The following MARCO variants were observed in gnomAD, a reference collection of about 807,000 sequenced individuals.
MARCO encodes macrophage receptor with collagenous structure, also known as macrophage receptor MARCO.
In MARCO, 72 loss-of-function variants were observed where a neutral mutation model predicts 70.0. The observed-to-expected ratio is 1.03, with a 90% CI of 0.85 to 1.25. The LOEUF (loss-of-function observed/expected upper bound fraction) is 1.25. MARCO is among the 50% of genes most tolerant of loss of function. The probability of loss-of-function intolerance (pLI) is 0.00; values close to 1 mark genes in which losing one functional copy is unlikely to be tolerated. For synonymous variants in MARCO, 273 were observed against 243.1 expected (o/e 1.12, Z -1.14); for missense variants, 696 against 659.3 (o/e 1.06, Z -0.61).
At chr2:118,947,764 TAG>T (rs1679630944) in intron 1 of MARCO, among the ~76,000 whole-genome samples, 1 of 152,236 alleles carries the variant, frequency 6.6e-6, no homozygotes, top group African/African-American at 2.4e-5. Flanking sequence ...TATTATCAAA[TAG>T]AGTTATTCCT....
At position 118,992,495 on chromosome 2, in the gene MARCO, A is replaced by T. The variant is rs1558674866; in HGVS notation, c.1252+19A>T. 1.9e-6 allele frequency: 3 copies of T among 1,594,268 alleles called. No homozygotes were observed. Among genetic ancestry groups the T allele is most frequent in the Non-Finnish European group, 2.6e-6 (3 of 1,162,042 alleles). On this transcript the variant is annotated intron_variant, in intron 15 of 16. Coordinates refer to ENST00000327097, the MANE Select transcript of MARCO (RefSeq NM_006770.4). ...GAAAGAGGTAATCACTATTTATATT[A>T]TCTTTAATGTGTGCTTTAAAGTCAA... is the stretch of plus-strand genomic sequence containing the variant.
At chr2:118,993,073 A>C (rs1181915081) in intron 15 of MARCO, 51 bp from the exon 16 acceptor site, 1 of 1,555,660 alleles carries the variant, frequency 6.4e-7, no homozygotes, top group Non-Finnish European at 8.8e-7. Flanking sequence ...GCACTTACCC[A>C]AAGCCCCAAG....
At chr2:118,980,708 G>A (rs898762354) in intron 8 of MARCO, among the ~76,000 whole-genome samples, 3 of 152,088 alleles carry the variant, frequency 2.0e-5, no homozygotes, top group African/African-American at 7.2e-5. Context: ...CTGATGGTGG[G>A]ACCTTGGCAG....
rs1394987980 is a variant in MARCO, at chr2:118,974,432, G to A, written c.560G>A (p.Gly187Glu). The change falls in exon 5 of 17, where the codon GGA (glycine) becomes GAA (glutamate). Residue 187 changes from glycine (G) to glutamate (E), a missense_variant. Physicochemically the swap from Gly to Glu is moderately conservative, Grantham distance 98 (BLOSUM62 -2). Around this residue, in one of 3 missense-constraint regions of MARCO, gnomAD observed 605 missense variants for 537.6 expected, o/e 1.13. Coordinates refer to ENST00000327097, the MANE Select transcript of MARCO (RefSeq NM_006770.4). ...KGAKGAMGRD[G>E]ATGPSGPQGP... ...GCCAAGGGGGCTATGGGACGAGATG[G>A]AGCAACAGGTACGGGTCTTTTTCTT... The A allele has an allele frequency of 1.9e-6, 3 of 1,612,866 alleles. No individual in the cohort carries two copies. The highest frequency in any genetic ancestry group is 1.1e-5 in the South Asian group (1 of 90,696).
At chr2:118,947,248 G>A (rs984298716) in intron 1 of MARCO, among the ~76,000 whole-genome samples, 2 of 152,146 alleles carry the variant, frequency 1.3e-5, no homozygotes, top group Non-Finnish European at 2.9e-5. Flanking sequence ...CCTTGTTGGT[G>A]AAGATTTTCT....
chr2:118,983,238 A>T (rs916634887), intron 12 of MARCO, among the ~76,000 whole-genome samples: 2 of 152,216 alleles, frequency 1.3e-5, no homozygotes, highest in Non-Finnish European at 2.9e-5. Flanking sequence ...ATCTGTAGAC[A>T]GTCTGCCTCC....
chr2:118,964,095 G>A (rs1679998938), intron 1 of MARCO, among the ~76,000 whole-genome samples: 2 of 152,102 alleles, frequency 1.3e-5, no homozygotes, highest in African/African-American at 2.4e-5. Flanking sequence ...TATACATACA[G>A]AACATATCAA....
At chr2:118,985,968 A>AAAGCCAAAATCTTTTGG (rs1460034498) in intron 12 of MARCO, among the ~76,000 whole-genome samples, 1 of 152,210 alleles carries the variant, frequency 6.6e-6, no homozygotes, top group African/African-American at 2.4e-5. Flanking sequence ...AAGATGTTTT[A>AAAGCCAAAATCTTTTGG]CTTTAAAGAT....
chr2:118,968,320 A>T (rs901392663), intron 1 of MARCO, among the ~76,000 whole-genome samples: 2 of 152,236 alleles, frequency 1.3e-5, no homozygotes, highest in Non-Finnish European at 2.9e-5. Context: ...GTTAGCATGA[A>T]CTGTGGCTTT....
intron 1 of MARCO, among the ~76,000 whole-genome samples, chr2:118,964,026 A>G (rs757832945): frequency 6.6e-6 from 1 of 152,038 alleles, no homozygotes; most frequent in Non-Finnish European, 1.5e-5. Context: ...AGTTTTCTTA[A>G]TGGTTTCTCT....
At chr2:118,993,016 A>G in intron 15 of MARCO, 108 bp from the exon 16 acceptor site, 1 of 1,020,896 alleles carries the variant, frequency 9.8e-7, no homozygotes, top group Non-Finnish European at 1.5e-6. Flanking sequence ...AAGCAGGGGC[A>G]TTTCTTTTCC....
chr2:118,965,793 T>A (rs1026652611), intron 1 of MARCO, among the ~76,000 whole-genome samples: 1 of 152,210 alleles, frequency 6.6e-6, no homozygotes, highest in Non-Finnish European at 1.5e-5. Flanking sequence ...GTCCACGTTA[T>A]TTTGATCCAC....
chr2:118,975,649 C>T (rs1680264960), intron 6 of MARCO, among the ~76,000 whole-genome samples: 1 of 152,172 alleles, frequency 6.6e-6, no homozygotes. Context: ...CACACTCACA[C>T]TCATGTCTGA....
chr2:118,966,016 C>T (rs1680038410), intron 1 of MARCO, among the ~76,000 whole-genome samples: 1 of 152,120 alleles, frequency 6.6e-6, no homozygotes, highest in African/African-American at 2.4e-5. Flanking sequence ...AGTGTTATAG[C>T]ACGGGAGGAG....
chr2:118,966,808 A>G (rs911872407), intron 1 of MARCO, among the ~76,000 whole-genome samples: 2 of 152,094 alleles, frequency 1.3e-5, no homozygotes, highest in African/African-American at 2.4e-5. Flanking sequence ...CTGTCCAAAA[A>G]CAGTGCTGTC....
In MARCO at chr2:118,990,566, C is replaced by T. The variant is rs199539941; in HGVS notation, c.1064-23C>T. ...CTAAGTTTTATTATCTCCTCCCCCC[C>T]CCCTTTTTTGTTTTGATCTTAGGAC... On this transcript the variant is annotated intron_variant, in intron 12 of 16. Coordinates refer to ENST00000327097, the MANE Select transcript of MARCO (RefSeq NM_006770.4). 1.7e-5 allele frequency: 27 copies of T among 1,563,164 alleles called. 1 individual carries two copies. Among genetic ancestry groups the T allele is most frequent in the Middle Eastern group, 3.3e-4 (2 of 5,976 alleles).
chr2:118,987,121 C>T (rs549973881), intron 12 of MARCO, among the ~76,000 whole-genome samples: 13 of 152,212 alleles, frequency 8.5e-5, no homozygotes, highest in African/African-American at 2.9e-4. Context: ...ACACACATTT[C>T]TTGGGAGAAT....
chr2:118,994,584 G>A lies in MARCO; in HGVS notation c.*64G>A, dbSNP rs1352411236. On this transcript the variant is annotated 3_prime_UTR_variant, in exon 17 of 17. Coordinates refer to ENST00000327097, the MANE Select transcript of MARCO (RefSeq NM_006770.4). ...TCGGGCTCATATGTGGGAAGGCAGA[G>A]GATCTCTGAGGAGTTCCCTGGGGAC... The A allele has an allele frequency of 2.0e-6, 3 of 1,480,832 alleles. No individual in the cohort carries two copies. The highest frequency in any genetic ancestry group is 4.6e-5 in the East Asian group (2 of 43,538). 91.7% of individuals were successfully genotyped at this position (1,480,832 alleles called of 1,614,324 possible).
intron 1 of MARCO, among the ~76,000 whole-genome samples, chr2:118,961,160 T>A (rs1487291749): frequency 6.6e-6 from 1 of 152,214 alleles, no homozygotes; most frequent in Non-Finnish European, 1.5e-5. Flanking sequence ...TTGGGTTGAT[T>A]CCATGTCTTT....
Sources: allele counts gnomAD v4.1 joint callset (sites outside exome capture counted in the v4.1 genomes callset), GRCh38; gene constraint gnomAD v4.1.1; regional missense constraint gnomAD v4.1.1; transcripts MANE v1.5; gene names NCBI Gene and HGNC (gene_info 2026-07-23, HGNC 2026-07-21).